The following SCP2 variants were observed in gnomAD, a reference collection of about 807,000 sequenced individuals.
SCP2 encodes sterol carrier protein 2.
A neutral mutation model predicts 71.4 loss-of-function variants in SCP2; 48 were observed. That is an observed-to-expected ratio of 0.67 (90% CI 0.53 to 0.86). The LOEUF is 0.86. Ranked by LOEUF, SCP2 falls within the 40% of genes least tolerant of loss-of-function variation. The probability of loss-of-function intolerance (pLI) is 0.00; values close to 1 mark genes in which losing one functional copy is unlikely to be tolerated. For missense variants in SCP2, 560 were observed against 655.6 expected, an observed-to-expected ratio of 0.85 and a Z score of 1.59; for synonymous variants, 220 against 218.1, an observed-to-expected ratio of 1.01 and a Z score of -0.08.
chr1:52,937,434 G>T (rs976047319), intron 1 of SCP2, among the ~76,000 whole-genome samples: 17 of 152,108 alleles, frequency 1.1e-4, no homozygotes, highest in African/African-American at 3.9e-4. Flanking sequence ...AGGCCCTCTT[G>T]TGTCCTCTTC....
rs114264325 is a variant in SCP2, at chr1:52,981,399, C to T, written c.973+856C>T. Among the ~76,000 whole-genome samples the T allele has an allele frequency of 5.2e-3, 790 of 151,438 alleles. 4 individuals carry two copies. Among genetic ancestry groups the T allele is most frequent in the African/African-American group, 0.018 (747 of 41,264 alleles). On this transcript the variant is annotated intron_variant, in intron 10 of 15. Transcript: ENST00000371514. ...TGAAGTACACATGGAGTTTTGGAGACTTAATATTGAAAAATAGAATGTAAA... is the reference window on the plus strand; with the variant it reads ...TGAAGTACACATGGAGTTTTGGAGATTTAATATTGAAAAATAGAATGTAAA...
intron 1 of SCP2, among the ~76,000 whole-genome samples, chr1:52,936,955 C>T (rs1653799292): frequency 1.3e-5 from 2 of 151,280 alleles, no homozygotes; most frequent in South Asian, 2.1e-4. Flanking sequence ...AAAAAAAAAT[C>T]CTAAAAATTG....
rs1410328486 is a variant in SCP2, at chr1:52,942,667, G to A, written c.127+814G>A. 3.4e-5 allele frequency among the ~76,000 whole-genome samples: 5 copies of A among 148,242 alleles called. No individual in the cohort carries two copies. The East Asian group carries it at 7.8e-4, about 23-fold the overall frequency. ...TTAATTATTTTTAAAAAATCCAAATGCTGGCATTGCCAGAAAAATTTAACA... is the reference window on the plus strand; with the variant it reads ...TTAATTATTTTTAAAAAATCCAAATACTGGCATTGCCAGAAAAATTTAACA... On this transcript the variant is annotated intron_variant, in intron 2 of 15. Coordinates refer to ENST00000371514, the MANE Select transcript of SCP2 (RefSeq NM_002979.5).
chr1:52,985,660 T>G (rs1427290738), intron 10 of SCP2, among the ~76,000 whole-genome samples: 1 of 152,202 alleles, frequency 6.6e-6, no homozygotes, highest in East Asian at 1.9e-4. Context: ...TGATCTGTCC[T>G]CCTTACTCCC....
At chr1:53,045,221 A>G (rs537335085) in intron 14 of SCP2, among the ~76,000 whole-genome samples, 1 of 152,164 alleles carries the variant, frequency 6.6e-6, no homozygotes, top group South Asian at 2.1e-4. Context: ...CCCTGCTATC[A>G]CTATTCACTC....
intron 12 of SCP2, among the ~76,000 whole-genome samples, chr1:53,019,339 A>T (rs1557612828): frequency 1.3e-5 from 2 of 152,156 alleles, no homozygotes; most frequent in African/African-American, 4.8e-5. Context: ...AAATTTATTC[A>T]TATATTTATA....
intron 2 of SCP2, among the ~76,000 whole-genome samples, chr1:52,944,818 T>C (rs1360909558): frequency 6.6e-6 from 1 of 152,070 alleles, no homozygotes; most frequent in African/African-American, 2.4e-5. Flanking sequence ...AGCTAACTTT[T>C]GTATTTTTAG....
chr1:53,020,449 G>A (rs1661639345), intron 12 of SCP2, among the ~76,000 whole-genome samples: 1 of 151,756 alleles, frequency 6.6e-6, no homozygotes, highest in African/African-American at 2.4e-5. Flanking sequence ...GTCAAAAATA[G>A]TTTTATCTTA....
intron 12 of SCP2, among the ~76,000 whole-genome samples, chr1:53,020,607 GT>G (rs1661648437): frequency 6.6e-6 from 1 of 151,916 alleles, no homozygotes. Flanking sequence ...CCTGAAAATG[GT>G]TTTATTTATT....
intron 10 of SCP2, among the ~76,000 whole-genome samples, chr1:52,986,734 A>C (rs1383162866): frequency 6.6e-6 from 1 of 152,016 alleles, no homozygotes; most frequent in African/African-American, 2.4e-5. Context: ...TTGAATATTA[A>C]ATTTTATAAA....
chr1:52,938,276 T>C (rs1318096791), intron 1 of SCP2, among the ~76,000 whole-genome samples: 1 of 152,176 alleles, frequency 6.6e-6, no homozygotes, highest in Admixed American at 6.6e-5. Flanking sequence ...AAGTTTTGCT[T>C]CACTTATGTA....
At chr1:52,989,866 C>G (rs887959170) in intron 11 of SCP2, among the ~76,000 whole-genome samples, 18 of 152,194 alleles carry the variant, frequency 1.2e-4, no homozygotes, top group African/African-American at 3.9e-4. Context: ...AGCCTAATGG[C>G]GTATATAAGG....
chr1:53,039,635 C>G (rs1017017143), intron 14 of SCP2, among the ~76,000 whole-genome samples: 12 of 152,218 alleles, frequency 7.9e-5, no homozygotes, highest in African/African-American at 2.9e-4. Flanking sequence ...TGATATTACA[C>G]TTACACGTTT....
At chr1:52,952,503 T>C (rs2150128280) in intron 4 of SCP2, among the ~76,000 whole-genome samples, 1 of 152,342 alleles carries the variant, frequency 6.6e-6, no homozygotes, top group South Asian at 2.1e-4. Context: ...CTAGGATGGC[T>C]ACACCACATT....
intron 11 of SCP2, among the ~76,000 whole-genome samples, chr1:53,006,696 T>C (rs1174285495): frequency 6.6e-6 from 1 of 152,184 alleles, no homozygotes; most frequent in African/African-American, 2.4e-5. Context: ...TAAAGATCAT[T>C]GATGCTAGGA....
At chr1:53,025,427 T>C (rs1223602034) in intron 12 of SCP2, among the ~76,000 whole-genome samples, 2 of 152,198 alleles carry the variant, frequency 1.3e-5, no homozygotes, top group Non-Finnish European at 2.9e-5. Flanking sequence ...TCCACTGAGC[T>C]CCAGACTCTC....
chr1:52,999,083 A>G (rs895210318), intron 11 of SCP2, among the ~76,000 whole-genome samples: 2 of 147,710 alleles, frequency 1.4e-5, no homozygotes, highest in African/African-American at 5.1e-5. Context: ...GTGATGGTAT[A>G]GCATTTTTTG....
chr1:53,014,598 T>A (rs1161290658), intron 11 of SCP2, among the ~76,000 whole-genome samples: 2 of 152,228 alleles, frequency 1.3e-5, no homozygotes, highest in African/African-American at 4.8e-5. Context: ...ACATTAAAAA[T>A]GGTAAAATTA....
At chr1:52,961,971 G>A (rs867508650) in intron 6 of SCP2, among the ~76,000 whole-genome samples, 13 of 152,162 alleles carry the variant, frequency 8.5e-5, no homozygotes, top group Middle Eastern at 3.4e-3. Context: ...GTGCGATCTC[G>A]GCTCACTGCA....
Sources: allele counts gnomAD v4.1 joint callset (sites outside exome capture counted in the v4.1 genomes callset), GRCh38; gene constraint gnomAD v4.1.1; transcripts MANE v1.5; gene names NCBI Gene and HGNC (gene_info 2026-07-23, HGNC 2026-07-21).